Variants in MBNL1 observed in about 807,000 individuals in gnomAD.
MBNL1 encodes muscleblind like splicing regulator 1.
Under a neutral mutation model 42.2 loss-of-function variants are expected in MBNL1, and 8 were observed. The ratio of observed to expected loss-of-function variants is 0.19; its 90% confidence interval spans 0.11 to 0.34. MBNL1 has a LOEUF of 0.34. Ranked by LOEUF, MBNL1 falls within the 10% of genes least tolerant of loss-of-function variation. The pLI is 1.00. For missense variants in MBNL1, 309 were observed against 495.3 expected, an observed-to-expected ratio of 0.62 and a Z score of 3.57; for synonymous variants, 169 against 173.9, an observed-to-expected ratio of 0.97 and a Z score of 0.22.
At chr3:152,277,280 G>T (rs1369515621) in intron 1 of MBNL1, among the ~76,000 whole-genome samples, 5 of 151,998 alleles carry the variant, frequency 3.3e-5, no homozygotes, top group Non-Finnish European at 7.4e-5. Context: ...TAATTTCAAC[G>T]TTAGGCCTAT....
intron 5 of MBNL1, among the ~76,000 whole-genome samples, 176 bp from the exon 6 acceptor site, chr3:152,447,444 T>C (rs1404790712): frequency 7.1e-6 from 1 of 141,216 alleles, no homozygotes; most frequent in Admixed American, 7.1e-5. Context: ...TTTATCTTGC[T>C]TTTTTTTTTT....
upstream of MBNL1, chr3:152,268,606 G>A (rs2037944596): frequency 2.6e-6 from 1 of 389,930 alleles, no homozygotes; most frequent in Non-Finnish European, 5.1e-6. Flanking sequence ...GAACGCATGA[G>A]ATGGAAGATA....
intron 2 of MBNL1, among the ~76,000 whole-genome samples, chr3:152,373,373 C>T (rs2096762104): frequency 6.7e-6 from 1 of 149,226 alleles, no homozygotes; most frequent in African/African-American, 2.5e-5. Context: ...AAACCTTCTG[C>T]AGCTAGCTTG....
At chr3:152,289,032 GA>G (rs2054296328) in intron 1 of MBNL1, among the ~76,000 whole-genome samples, 1 of 151,836 alleles carries the variant, frequency 6.6e-6, no homozygotes, top group African/African-American at 2.4e-5. Flanking sequence ...AACAAATATA[GA>G]AAAATATGTT....
chr3:152,358,288 A>G (rs2095672612), intron 2 of MBNL1, among the ~76,000 whole-genome samples: 1 of 152,186 alleles, frequency 6.6e-6, no homozygotes, highest in Admixed American at 6.6e-5. Context: ...GATTAGTGAT[A>G]TTTTATTAAA....
At chr3:152,244,072 TGGGATTACA>T (rs1313394579) in intron 1 of MBNL1, 1 of 152,288 alleles carries the variant, frequency 6.6e-6, no homozygotes, top group African/African-American at 2.4e-5. Context: ...CCCAAAGTGC[TGGGATTACA>T]GGCGTCAGCC....
chr3:152,308,024 T>C (rs1431578704), intron 2 of MBNL1, among the ~76,000 whole-genome samples: 2 of 152,220 alleles, frequency 1.3e-5, no homozygotes, highest in East Asian at 3.8e-4. Context: ...CTAGTCACTG[T>C]ATAAACTATA....
chr3:152,281,650 T>C (rs2048558669), intron 1 of MBNL1, among the ~76,000 whole-genome samples: 1 of 152,178 alleles, frequency 6.6e-6, no homozygotes, highest in African/African-American at 2.4e-5. Context: ...CTGATGTCGC[T>C]TCTGAGTGAC....
rs150709647 is a variant in MBNL1, at chr3:152,312,691, C to T, written c.174+12324C>T. Among the ~76,000 whole-genome samples, 595 of 152,270 alleles carry T rather than the reference C, an allele frequency of 3.9e-3. 5 individuals are homozygous for T. Among genetic ancestry groups the T allele is most frequent in the African/African-American group, 0.014 (567 of 41,550 alleles). ...ATTCAAACTTATTTTATGTTCAAGA[C>T]TAAATTGATCATAGGGAAAAGTGAC... On this transcript the variant is annotated intron_variant, in intron 2 of 9. Transcript: ENST00000324210.
chr3:152,366,373 T>C (rs1578777003), intron 2 of MBNL1, among the ~76,000 whole-genome samples: 2 of 152,308 alleles, frequency 1.3e-5, no homozygotes, highest in East Asian at 3.9e-4. Flanking sequence ...TTTATAGCAC[T>C]TAATGTTACT....
At chr3:152,351,252 T>G (rs1367392160) in intron 2 of MBNL1, among the ~76,000 whole-genome samples, 1 of 152,198 alleles carries the variant, frequency 6.6e-6, no homozygotes, top group Non-Finnish European at 1.5e-5. Context: ...GGCAAATAGT[T>G]GTTAAATGCC....
intron 2 of MBNL1, among the ~76,000 whole-genome samples, chr3:152,307,783 T>A (rs1055943437): frequency 6.6e-6 from 1 of 152,200 alleles, no homozygotes; most frequent in Non-Finnish European, 1.5e-5. Context: ...AAAGAAAATA[T>A]AACTAACAGC....
At chr3:152,313,991 T>C in intron 2 of MBNL1, among the ~76,000 whole-genome samples, 1 of 152,204 alleles carries the variant, frequency 6.6e-6, no homozygotes, top group East Asian at 1.9e-4. Flanking sequence ...AAACTAATCC[T>C]ATTTAGCTTT....
At chr3:152,417,270 C>T (rs771145805) in intron 3 of MBNL1, among the ~76,000 whole-genome samples, 11 of 152,228 alleles carry the variant, frequency 7.2e-5, no homozygotes, top group Non-Finnish European at 1.6e-4. Flanking sequence ...CAGCTGCTTA[C>T]TGGGAGTTTA....
intron 3 of MBNL1, among the ~76,000 whole-genome samples, chr3:152,417,289 C>T (rs1409156826): frequency 6.6e-6 from 1 of 152,088 alleles, no homozygotes; most frequent in Admixed American, 6.6e-5. Context: ...TAATGTGGGC[C>T]TTACAAATAG....
Position 152,465,752 on chromosome 3 carries a change from G to T in MBNL1, c.*3386G>T, listed in dbSNP as rs1581003165. 6.6e-6 allele frequency: 1 copy of T among 152,320 alleles called. No individual in the cohort carries two copies. Among genetic ancestry groups the T allele is most frequent in the East Asian group, 1.9e-4 (1 of 5,198 alleles). 9.4% of individuals were successfully genotyped at this position (152,320 alleles called of 1,614,324 possible). On this transcript the variant is annotated 3_prime_UTR_variant, in exon 10 of 10. Coordinates refer to ENST00000324210, the MANE Select transcript of MBNL1 (RefSeq NM_021038.5). The stretch of plus-strand genomic sequence containing the variant: ...CTGTATGGAAAAATAAAGTGAAATT[G>T]CCCTAATAAAACTTCTCTTTCTTAA...
At chr3:152,449,050 A>G (rs1716295067) in intron 6 of MBNL1, among the ~76,000 whole-genome samples, 1 of 152,162 alleles carries the variant, frequency 6.6e-6, no homozygotes, top group African/African-American at 2.4e-5. Flanking sequence ...TCTTCTCAAC[A>G]TGCATAGTTT....
At chr3:152,355,183 C>A (rs1005060615) in intron 2 of MBNL1, among the ~76,000 whole-genome samples, 5 of 152,110 alleles carry the variant, frequency 3.3e-5, no homozygotes, top group African/African-American at 1.2e-4. Context: ...GGCAAAATAG[C>A]AACATGATTG....
intron 2 of MBNL1, among the ~76,000 whole-genome samples, chr3:152,304,832 T>C (rs2062247197): frequency 6.6e-6 from 1 of 152,200 alleles, no homozygotes; most frequent in Admixed American, 6.5e-5. Flanking sequence ...TTGGTGAAAC[T>C]AGTAATTGTA....
Sources: gnomAD v4.1 joint callset for allele counts (sites outside exome capture counted in the v4.1 genomes callset) on GRCh38, gnomAD v4.1.1 for gene constraint, MANE v1.5 for transcripts, NCBI Gene and HGNC (gene_info 2026-07-23, HGNC 2026-07-21) for gene names.